Variants in C3orf20 observed in about 807,000 individuals in gnomAD.
C3orf20 encodes family with sequence similarity 149 member C.
C3orf20 carries 76 observed loss-of-function variants against 88.3 expected under a neutral mutation model. That is an observed-to-expected ratio of 0.86 (90% CI 0.72 to 1.04). The LOEUF (loss-of-function observed/expected upper bound fraction) is 1.04, where lower values mean the gene tolerates loss of function less well. Ranked by LOEUF, C3orf20 falls within the 50% of genes least tolerant of loss-of-function variation. The pLI, the probability that C3orf20 is intolerant of heterozygous loss-of-function variation, is 0.00. For missense variants in C3orf20, 1,056 were observed against 1,123.3 expected, an observed-to-expected ratio of 0.94 and a Z score of 0.86; for synonymous variants, 436 against 437.4, an observed-to-expected ratio of 1.00 and a Z score of 0.04.
intron 13 of C3orf20, 148 bp from the exon 14 acceptor site, chr3:14,759,743 A>G: frequency 1.5e-6 from 1 of 666,854 alleles, no homozygotes; most frequent in East Asian, 2.7e-5. Context: ...ATGCAGGCCC[A>G]AGGGCCCCTG....
At chr3:14,693,726 T>C (rs998074133) in intron 5 of C3orf20, among the ~76,000 whole-genome samples, 2 of 152,228 alleles carry the variant, frequency 1.3e-5, no homozygotes, top group Non-Finnish European at 2.9e-5. Context: ...CCCAGTACTA[T>C]ATTGAATAAT....
Position 14,757,537 on chromosome 3 carries a change from GC to G in C3orf20, c.2108del (p.Ala703GlyfsTer29), listed in dbSNP as rs1194119773. On this transcript the variant is annotated frameshift_variant, in exon 13 of 17. Transcript: ENST00000253697. LOFTEE classifies it high-confidence loss of function. ...CGTGGAGCTGGAGCGCTTCCTGTTGGCGCCCCGAGACCCCAGCCAAGTGCTG... is the reference window on the plus strand; with the variant it reads ...CGTGGAGCTGGAGCGCTTCCTGTTGGGCCCCGAGACCCCAGCCAAGTGCTG... ...SDVELERFLLAPRDPSQVLVF... is the reference protein window; with the variant it reads ...SDVELERFLLXPRDPSQVLVF... The G allele has an allele frequency of 1.2e-6, 2 of 1,614,022 alleles. No homozygotes were observed. The highest frequency in any genetic ancestry group is 3.3e-5 in the Admixed American group (2 of 60,010).
intron 5 of C3orf20, among the ~76,000 whole-genome samples, chr3:14,699,335 A>C (rs1473266766): frequency 2.0e-5 from 3 of 152,114 alleles, no homozygotes; most frequent in Admixed American, 6.5e-5. Context: ...CCTCACTGTG[A>C]CCATCACATC....
At position 14,705,005 on chromosome 3, in the gene C3orf20, A is replaced by T. The variant is rs560531127; in HGVS notation, c.1160+387A>T. Among the ~76,000 whole-genome samples the T allele has an allele frequency of 2.0e-5, 3 of 152,312 alleles. No individual in the cohort carries two copies. The South Asian group carries it at 6.2e-4, about 32-fold the overall frequency. On this transcript the variant is annotated intron_variant, in intron 7 of 16. Coordinates refer to ENST00000253697, the MANE Select transcript of C3orf20 (RefSeq NM_032137.5). ...AGGCCTTAAACAATTGGGAACCTTCATCCTTCTCTCCCTGGCTCAGTGGTT... is the reference window on the plus strand; with the variant it reads ...AGGCCTTAAACAATTGGGAACCTTCTTCCTTCTCTCCCTGGCTCAGTGGTT...
intron 5 of C3orf20, among the ~76,000 whole-genome samples, chr3:14,690,505 G>A (rs1290260214): frequency 2.0e-5 from 3 of 152,222 alleles, no homozygotes; most frequent in Non-Finnish European, 4.4e-5. Context: ...TATCTGAAGA[G>A]AGGTATTTGG....
chr3:14,758,920 G>A (rs1177939470), intron 13 of C3orf20, among the ~76,000 whole-genome samples: 3 of 152,250 alleles, frequency 2.0e-5, no homozygotes, highest in African/African-American at 7.2e-5. Flanking sequence ...TTAATTCTGT[G>A]TGTCCGTCCA....
rs562832489 is a variant in C3orf20, at chr3:14,721,740, G to A, written c.1522G>A (p.Val508Met). 5 of 1,614,080 alleles carry A rather than the reference G, an allele frequency of 3.1e-6. No individual in the cohort carries two copies. Among genetic ancestry groups the A allele is most frequent in the Non-Finnish European group, 4.2e-6 (5 of 1,180,040 alleles). The change falls in exon 10 of 17, where the codon GTG becomes ATG. Residue 508 changes from valine (V) to methionine (M), a missense_variant. Coordinates refer to ENST00000253697, the MANE Select transcript of C3orf20 (RefSeq NM_032137.5). ...TSLNETVTLTVSANNCPHGMA... is the reference protein window; with the variant it reads ...TSLNETVTLTMSANNCPHGMA... ...CCTGAATGAGACAGTAACACTCACT[G>A]TGTCGGCCAACAATTGTCCCCATGG...
intron 15 of C3orf20, among the ~76,000 whole-genome samples, chr3:14,764,034 C>T (rs2035633141): frequency 6.6e-6 from 1 of 152,114 alleles, no homozygotes; most frequent in South Asian, 2.1e-4. Context: ...TATACACATA[C>T]ATACAAACTA....
At chr3:14,764,037 A>G (rs758692815) in intron 15 of C3orf20, among the ~76,000 whole-genome samples, 1 of 152,198 alleles carries the variant, frequency 6.6e-6, no homozygotes, top group Non-Finnish European at 1.5e-5. Flanking sequence ...ACACATACAT[A>G]CAAACTATAA....
intron 4 of C3orf20, among the ~76,000 whole-genome samples, chr3:14,685,336 C>T (rs973718683): frequency 3.9e-5 from 6 of 152,070 alleles, no homozygotes; most frequent in South Asian, 2.1e-4. Context: ...GGGGGAAATT[C>T]GAGGAAGTGA....
intron 11 of C3orf20, among the ~76,000 whole-genome samples, chr3:14,727,869 C>T (rs2034409871): frequency 6.6e-6 from 1 of 152,158 alleles, no homozygotes; most frequent in South Asian, 2.1e-4. Flanking sequence ...CATCCTGCTC[C>T]CCCACTGGGA....
chr3:14,690,022 T>G lies in C3orf20; in HGVS notation c.651T>G (p.Ile217Met). Residue 217 changes from isoleucine (I) to methionine (M), a missense_variant, in exon 5 of 17, where the codon ATT becomes ATG. Transcript: ENST00000253697. ...WKESLANMSA[I>M]GVNSPYQLIY... ...AGTCCCTCGCAAACATGTCCGCCAT[T>G]GGGGTGAACTCGCCTTACCAGCTGA... is the stretch of plus-strand genomic sequence containing the variant. 6.8e-6 allele frequency: 11 copies of G among 1,614,174 alleles called. No individual in the cohort carries two copies. Among genetic ancestry groups the G allele is most frequent in the Non-Finnish European group, 9.3e-6 (11 of 1,180,012 alleles).
At chr3:14,718,929 T>C (rs1209894566) in intron 9 of C3orf20, among the ~76,000 whole-genome samples, 1 of 152,212 alleles carries the variant, frequency 6.6e-6, no homozygotes, top group African/African-American at 2.4e-5. Flanking sequence ...TTCTACACTT[T>C]CCTGTGACTA....
chr3:14,703,660 G>A (rs2033374882), intron 6 of C3orf20, among the ~76,000 whole-genome samples: 1 of 152,230 alleles, frequency 6.6e-6, no homozygotes, highest in South Asian at 2.1e-4. Flanking sequence ...CCTTGCCAGG[G>A]ATGCCCCTTT....
At chr3:14,698,514 C>A (rs1442343325) in intron 5 of C3orf20, among the ~76,000 whole-genome samples, 2 of 152,244 alleles carry the variant, frequency 1.3e-5, no homozygotes, top group Non-Finnish European at 2.9e-5. Flanking sequence ...TGTTGCGGTT[C>A]TTGCAGACTC....
chr3:14,690,224 CTGATTAGAAGGA>C (rs2032657074), intron 5 of C3orf20, 108 bp downstream of exon 5: 1 of 1,476,882 alleles, frequency 6.8e-7, no homozygotes, highest in East Asian at 2.3e-5. Flanking sequence ...ATTTGGTCTT[CTGATTAGAAGGA>C]TACATAGCGG....
intron 9 of C3orf20, among the ~76,000 whole-genome samples, chr3:14,719,658 T>C (rs2034076863): frequency 6.6e-6 from 1 of 152,156 alleles, no homozygotes; most frequent in Non-Finnish European, 1.5e-5. Flanking sequence ...AAGTCTGTGG[T>C]TTATAGAGCT....
rs534024229 is a variant in C3orf20 at position 14,732,950 on chromosome 3, T to A, written c.1940+4262T>A. 1.5e-3 allele frequency among the ~76,000 whole-genome samples: 229 copies of A among 152,332 alleles called. 1 individual carries two copies. Among genetic ancestry groups the A allele is most frequent in the African/African-American group, 4.7e-3 (195 of 41,574 alleles). On this transcript the variant is annotated intron_variant, in intron 12 of 16. Transcript: ENST00000253697. ...CAATTGTTCCAACAGTACTTTTTTT[T>A]AAAAAGATAAATTTCTCCATTAAAT...
intron 15 of C3orf20, among the ~76,000 whole-genome samples, chr3:14,766,758 G>A (rs568422937): frequency 1.7e-4 from 26 of 152,212 alleles, no homozygotes; most frequent in Non-Finnish European, 3.2e-4. Flanking sequence ...GGCCCTCTTA[G>A]CTCAGCCTGC....
Sources: allele counts gnomAD v4.1 joint callset (sites outside exome capture counted in the v4.1 genomes callset), GRCh38; gene constraint gnomAD v4.1.1; transcripts MANE v1.5; gene names NCBI Gene and HGNC (gene_info 2026-07-23, HGNC 2026-07-21).